Variants in MSRA observed in about 807,000 individuals in gnomAD.
MSRA encodes mitochondrial peptide methionine sulfoxide reductase.
Under a neutral mutation model 31.3 loss-of-function variants are expected in MSRA, and 54 were observed. The observed-to-expected ratio is 1.73, with a 90% CI of 1.39 to 2.17. MSRA has a LOEUF of 2.17. MSRA is among the 30% of genes most tolerant of loss of function. The pLI is 0.00. For missense variants in MSRA, 507 were observed against 300.9 expected, an observed-to-expected ratio of 1.69 and a Z score of -5.07; for synonymous variants, 169 against 116.5, an observed-to-expected ratio of 1.45 and a Z score of -2.90.
chr8:10,428,309 A>G lies in MSRA; in HGVS notation c.705A>G (p.Lys235=). 5 of 1,612,136 alleles carry G rather than the reference A, an allele frequency of 3.1e-6. No homozygotes were observed. The highest frequency in any genetic ancestry group is 4.2e-6 in the Non-Finnish European group (5 of 1,179,658). The change falls in exon 6 of 6, where the codon AAA becomes AAG. Residue 235 remains lysine (K), a synonymous_variant. Transcript: ENST00000317173. Reference sequence around the variant, plus strand: ...TGTCCTGCCCAGTGGGTATTAAAAAATAATTTCTCCCCACATGGTGGGCCT... The same window carrying G: ...TGTCCTGCCCAGTGGGTATTAAAAAGTAATTTCTCCCCACATGGTGGGCCT... ...TGVSCPVGIK[K]
intron 1 of MSRA, among the ~76,000 whole-genome samples, chr8:10,185,843 C>T (rs1437292286): frequency 6.6e-6 from 1 of 152,164 alleles, no homozygotes; most frequent in Non-Finnish European, 1.5e-5. Context: ...TCGTGTGAAT[C>T]ACCCCTTATG....
rs377432633 is a variant in MSRA at position 10,128,100 on chromosome 8, A to T, written c.142+73442A>T. ...CCTTTAAAAAGTTTCTGTCTAGGCC[A>T]GGTGCGATGGCTCACACCTGTAATC... On this transcript the variant is annotated intron_variant, in intron 1 of 5. Transcript: ENST00000317173. Among the ~76,000 whole-genome samples the T allele has an allele frequency of 4.6e-5, 7 of 152,174 alleles. No homozygotes were observed. In the South Asian group the frequency reaches 1.2e-3, roughly 27 times the overall value.
intron 2 of MSRA, 108 bp downstream of exon 2, chr8:10,208,009 A>T (rs1454733279): frequency 3.8e-6 from 3 of 791,774 alleles, no homozygotes; most frequent in Non-Finnish European, 5.9e-6. Context: ...GCTCTTCTAG[A>T]TATTTACAAG....
chr8:10,426,437 G>C (rs747610371), intron 5 of MSRA, among the ~76,000 whole-genome samples: 2 of 152,208 alleles, frequency 1.3e-5, no homozygotes, highest in Non-Finnish European at 2.9e-5. Context: ...GGCATTCCAC[G>C]GACTCTCTGG....
chr8:10,319,673 G>T (rs143741494), intron 4 of MSRA, among the ~76,000 whole-genome samples: 2 of 151,660 alleles, frequency 1.3e-5, no homozygotes, highest in East Asian at 3.8e-4. Context: ...AAAGATACTT[G>T]TTGTAATTAA....
intron 1 of MSRA, among the ~76,000 whole-genome samples, chr8:10,065,041 A>G (rs1042762866): frequency 4.0e-5 from 6 of 151,142 alleles, no homozygotes; most frequent in Non-Finnish European, 7.4e-5. Flanking sequence ...ATTGCTGAAA[A>G]CTCCATTGCC....
chr8:10,200,671 T>G (rs975617510), intron 1 of MSRA, among the ~76,000 whole-genome samples: 35 of 152,138 alleles, frequency 2.3e-4, no homozygotes, highest in Non-Finnish European at 2.1e-4. Flanking sequence ...TGTCCCCACG[T>G]AGCCTCTCCT....
intron 3 of MSRA, among the ~76,000 whole-genome samples, chr8:10,247,957 G>A (rs1191590132): frequency 6.6e-6 from 1 of 152,056 alleles, no homozygotes; most frequent in African/African-American, 2.4e-5. Flanking sequence ...AAAGATTTTT[G>A]ACCAAGGAGA....
At chr8:10,126,486 A>G (rs999009547) in intron 1 of MSRA, among the ~76,000 whole-genome samples, 2 of 152,048 alleles carry the variant, frequency 1.3e-5, no homozygotes, top group Non-Finnish European at 2.9e-5. Context: ...TCCACTTAAC[A>G]TCATCAGGCA....
At chr8:10,332,452 C>T (rs1802761285) in intron 5 of MSRA, among the ~76,000 whole-genome samples, 1 of 122,828 alleles carries the variant, frequency 8.1e-6, no homozygotes, top group African/African-American at 3.2e-5. Context: ...AAAGAAAAAT[C>T]CCCCCTCCCC....
chr8:10,219,806 C>CAAAGAAAAA (rs1810324804), intron 2 of MSRA, among the ~76,000 whole-genome samples: 1 of 57,116 alleles, frequency 1.8e-5, no homozygotes, highest in Non-Finnish European at 2.8e-5. Context: ...ACTCTGTCTC[C>CAAAGAAAAA]AAAAAAAAAA....
At chr8:10,276,946 A>T (rs1225845668) in intron 3 of MSRA, among the ~76,000 whole-genome samples, 1 of 152,200 alleles carries the variant, frequency 6.6e-6, no homozygotes, top group Non-Finnish European at 1.5e-5. Context: ...TTCAGGGTTA[A>T]GAAAGGTAGA....
At chr8:10,300,015 T>A (rs977680096) in intron 3 of MSRA, among the ~76,000 whole-genome samples, 1 of 152,238 alleles carries the variant, frequency 6.6e-6, no homozygotes, top group East Asian at 1.9e-4. Context: ...TGGGGAGTTA[T>A]GTATTCATTA....
At chr8:10,200,219 G>C (rs866557102) in intron 1 of MSRA, among the ~76,000 whole-genome samples, 1 of 152,212 alleles carries the variant, frequency 6.6e-6, no homozygotes, top group Non-Finnish European at 1.5e-5. Context: ...TTGACTGCGG[G>C]GAGGCCGTGG....
intron 1 of MSRA, among the ~76,000 whole-genome samples, chr8:10,124,956 A>G (rs975976887): frequency 1.3e-5 from 2 of 152,238 alleles, no homozygotes; most frequent in African/African-American, 4.8e-5. Context: ...AACTCACTGT[A>G]TGATTAACTA....
intron 1 of MSRA, among the ~76,000 whole-genome samples, chr8:10,097,806 A>G (rs1054447571): frequency 6.6e-6 from 1 of 152,170 alleles, no homozygotes; most frequent in African/African-American, 2.4e-5. Flanking sequence ...AATATGTCAG[A>G]ATATACCTTA....
chr8:10,257,732 G>A (rs1798258031), intron 3 of MSRA, among the ~76,000 whole-genome samples: 2 of 152,124 alleles, frequency 1.3e-5, no homozygotes, highest in Admixed American at 1.3e-4. Context: ...CTCCGTGTTT[G>A]GACTAACTGC....
intron 5 of MSRA, among the ~76,000 whole-genome samples, chr8:10,328,184 A>G (rs2129142506): frequency 6.6e-6 from 1 of 151,788 alleles, no homozygotes; most frequent in Middle Eastern, 3.4e-3. Context: ...GCTTTCTAAA[A>G]TGAAAGTTTG....
In MSRA at chr8:10,320,226, TG is replaced by T. The variant is rs1024260653; in HGVS notation, c.543+243del. ...GCTCATGCCTGTAATCCCAGTACTT[TG>T]GGGGGCCGAAGCAGAAGGATACTTG... On this transcript the variant is annotated intron_variant, in intron 5 of 5. Transcript: ENST00000317173. 79 of 311,612 alleles carry T rather than the reference TG, an allele frequency of 2.5e-4. No individual in the cohort carries two copies. The Middle Eastern group carries it at 3.6e-3, about 14-fold the overall frequency. The allele number at this position is 311,612 out of a possible 1,614,324, so 19.3% of individuals were successfully genotyped here.
Sources: allele counts gnomAD v4.1 joint callset (sites outside exome capture counted in the v4.1 genomes callset), GRCh38; gene constraint gnomAD v4.1.1; transcripts MANE v1.5; gene names NCBI Gene and HGNC (gene_info 2026-07-23, HGNC 2026-07-21).